NCF2: variants seen among roughly 807,000 people sequenced by gnomAD.
NCF2 encodes the protein neutrophil cytosol factor 2.
In NCF2, 45 loss-of-function variants were observed where a neutral mutation model predicts 70.9. That is an observed-to-expected ratio of 0.63 (90% CI 0.50 to 0.81). The LOEUF (loss-of-function observed/expected upper bound fraction) is 0.81, where lower values mean the gene tolerates loss of function less well. Ranked by LOEUF, NCF2 falls within the 40% of genes least tolerant of loss-of-function variation. NCF2 has a pLI of 0.00. For synonymous variants in NCF2, 203 were observed against 233.6 expected, an observed-to-expected ratio of 0.87 and a Z score of 1.19; for missense variants, 522 against 631.6, an observed-to-expected ratio of 0.83 and a Z score of 1.86.
intron 7 of NCF2, among the ~76,000 whole-genome samples, chr1:183,568,848 A>T (rs567036655): frequency 6.6e-6 from 1 of 152,086 alleles, no homozygotes; most frequent in South Asian, 2.1e-4. Context: ...GTGGCTGTGC[A>T]CGTGGACAGA....
Position 183,563,509 on chromosome 1 carries a change from G to T in NCF2, c.1103C>A (p.Pro368His), listed in dbSNP as rs767622954. 6.2e-7 allele frequency: 1 copy of T among 1,614,132 alleles called. No individual in the cohort carries two copies. Among genetic ancestry groups the T allele is most frequent in the Non-Finnish European group, 8.5e-7 (1 of 1,180,028 alleles). ...YKYTVVMKTQ[P>H]GLPYSQVRDM... ...CCGGACCTGGCTGTAGGGGAGCCCG[G>T]GCTGAGTCTTCATGACTACCGTGTA... The change falls in exon 12 of 15, where the codon CCC becomes CAC. Residue 368 changes from proline to histidine, a missense_variant. By Grantham distance (77) the Pro-to-His change is moderately conservative. Transcript: ENST00000367535.
intron 14 of NCF2, among the ~76,000 whole-genome samples, chr1:183,559,003 G>T (rs1427212869): frequency 1.3e-5 from 2 of 152,202 alleles, no homozygotes; most frequent in African/African-American, 4.8e-5. Flanking sequence ...GGACTTTTTT[G>T]TGTCGAGGTA....
Position 183,574,445 on chromosome 1 carries a change from C to T in NCF2, c.501+42G>A, listed in dbSNP as rs371775954. Reference sequence around the variant, plus strand: ...CATGTCCTCTGAGACAAATGAGAATCCAGTGACATCCTCTCAACACCTGCA... The same window carrying T: ...CATGTCCTCTGAGACAAATGAGAATTCAGTGACATCCTCTCAACACCTGCA... On this transcript the variant is annotated intron_variant, in intron 4 of 14. Transcript: ENST00000367535. 1.9e-6 allele frequency: 3 copies of T among 1,613,818 alleles called. No homozygotes were observed. The African/African-American group carries it at 4.0e-5, about 22-fold the overall frequency.
Position 183,555,817 on chromosome 1 carries a change from C to G in NCF2, c.*301G>C. ...TGAACACAGCTGGCTAGCTAGCACT[C>G]AGAGCAAGAAACAGGATCAGTACCT... On this transcript the variant is annotated 3_prime_UTR_variant, in exon 15 of 15. Coordinates refer to ENST00000367535, the MANE Select transcript of NCF2 (RefSeq NM_000433.4). The G allele has an allele frequency of 2.3e-6, 1 of 443,294 alleles. No homozygotes were observed. The highest frequency in any genetic ancestry group is 4.2e-5 in the East Asian group (1 of 23,724). The allele number at this position is 443,294 out of a possible 1,614,324, so 27.5% of individuals were successfully genotyped here. A position where few individuals can be genotyped will look rare whatever the true frequency, so the allele number is the denominator to read the frequency against.
At chr1:183,585,416 G>T (rs1490999248) in intron 2 of NCF2, among the ~76,000 whole-genome samples, 2 of 152,128 alleles carry the variant, frequency 1.3e-5, no homozygotes, top group Non-Finnish European at 2.9e-5. Context: ...ACAAGGTCAG[G>T]AGTTCGAGAC....
At chr1:183,560,572 A>C (rs1259791825) in intron 13 of NCF2, among the ~76,000 whole-genome samples, 1 of 152,174 alleles carries the variant, frequency 6.6e-6, no homozygotes, top group African/African-American at 2.4e-5. Context: ...TCAGATCGTC[A>C]GGCATTAGAT....
chr1:183,588,808 C>T (rs529069044), intron 1 of NCF2, among the ~76,000 whole-genome samples: 1 of 152,310 alleles, frequency 6.6e-6, no homozygotes, highest in East Asian at 1.9e-4. Context: ...ACATGTGGGC[C>T]TGAAGGCCTG....
intron 14 of NCF2, among the ~76,000 whole-genome samples, chr1:183,558,424 T>TA (rs1671891442): frequency 1.3e-5 from 2 of 150,514 alleles, no homozygotes; most frequent in South Asian, 4.2e-4. Context: ...CCTACCACTA[T>TA]ACCCGGCTAA....
the NCF2 span, among the ~76,000 whole-genome samples, chr1:183,601,049 C>A: frequency 2.6e-5 from 4 of 152,114 alleles, no homozygotes; most frequent in Admixed American, 2.6e-4. Flanking sequence ...TCACATGGTT[C>A]AAAAATTAAC....
rs185137589 is a variant in NCF2, at chr1:183,587,948, C to T, written c.175-971G>A. 4.3e-3 allele frequency among the ~76,000 whole-genome samples: 653 copies of T among 152,226 alleles called. 6 individuals are homozygous for T. Among genetic ancestry groups the T allele is most frequent in the Middle Eastern group, 0.037 (11 of 294 alleles). On this transcript the variant is annotated intron_variant, in intron 1 of 14. Coordinates refer to ENST00000367535, the MANE Select transcript of NCF2 (RefSeq NM_000433.4). ...TTAGTGTAGCTTTCATTTCTATTAT[C>T]GCTGTTTTAATAATATGATTTAATA...
At position 183,574,626 on chromosome 1, in the gene NCF2, A is replaced by G; in HGVS notation, c.367-5T>C. 6.2e-7 allele frequency: 1 copy of G among 1,614,182 alleles called. No homozygotes were observed. The highest frequency in any genetic ancestry group is 8.5e-7 in the Non-Finnish European group (1 of 1,180,022). ...GAAAGCAATGTTATATAACACCTAG[A>G]AAAGTACAGACCGCAACATAAAACT... is the stretch of plus-strand genomic sequence containing the variant. On this transcript the variant is annotated splice_polypyrimidine_tract_variant and splice_region_variant and intron_variant, in intron 3 of 14. Transcript: ENST00000367535.
At chr1:183,583,848 G>A (rs911988349) in intron 2 of NCF2, among the ~76,000 whole-genome samples, 1 of 152,172 alleles carries the variant, frequency 6.6e-6, no homozygotes, top group Admixed American at 6.5e-5. Context: ...GGAAGCCACT[G>A]GAAGTTCTCA....
At chr1:183,593,555 C>G (rs1673722824), upstream of NCF2, among the ~76,000 whole-genome samples, 1 of 152,160 alleles carries the variant, frequency 6.6e-6, no homozygotes, top group Non-Finnish European at 1.5e-5. Context: ...CAGCCTCTTC[C>G]TCCGCCCATG....
intron 13 of NCF2, among the ~76,000 whole-genome samples, chr1:183,560,563 C>G (rs1414233739): frequency 6.6e-6 from 1 of 152,138 alleles, no homozygotes; most frequent in Non-Finnish European, 1.5e-5. Flanking sequence ...TGTTCCACCT[C>G]AGATCGTCAG....
intron 4 of NCF2, among the ~76,000 whole-genome samples, chr1:183,573,833 T>C (rs1260116785): frequency 6.6e-6 from 1 of 152,256 alleles, no homozygotes; most frequent in African/African-American, 2.4e-5. Flanking sequence ...CTCATGCCTG[T>C]AATCCCTGCA....
chr1:183,564,300 C>G (rs1672211664), intron 10 of NCF2, among the ~76,000 whole-genome samples: 1 of 152,128 alleles, frequency 6.6e-6, no homozygotes, highest in Admixed American at 6.5e-5. Context: ...CACCAACCCA[C>G]AAGGTTAGCA....
intron 5 of NCF2, among the ~76,000 whole-genome samples, chr1:183,571,674 C>T (rs1254192384): frequency 1.3e-5 from 2 of 152,148 alleles, no homozygotes; most frequent in Non-Finnish European, 2.9e-5. Context: ...TATGCTTAAA[C>T]TATAGATAAT....
intron 4 of NCF2, 151 bp downstream of exon 4, chr1:183,574,336 G>A (rs1307002335): frequency 2.5e-6 from 3 of 1,216,148 alleles, no homozygotes; most frequent in Admixed American, 1.7e-5. Flanking sequence ...ACAGATTCAA[G>A]ATCTTAAGTG....
the NCF2 span, among the ~76,000 whole-genome samples, chr1:183,599,446 C>CTTTCT: frequency 2.1e-5 from 2 of 94,160 alleles, no homozygotes; most frequent in Non-Finnish European, 4.7e-5. Flanking sequence ...TTCTTTCTTT[C>CTTTCT]TTTCTTTCTT....
Sources: allele counts gnomAD v4.1 joint callset (sites outside exome capture counted in the v4.1 genomes callset), GRCh38; gene constraint gnomAD v4.1.1; transcripts MANE v1.5; gene names NCBI Gene and HGNC (gene_info 2026-07-23, HGNC 2026-07-21).